Variants in LMOD3 observed in about 807,000 individuals in gnomAD.
LMOD3 encodes the protein leiomodin 3.
In LMOD3, 31 loss-of-function variants were observed where a neutral mutation model predicts 41.8. The observed-to-expected ratio is 0.74, with a 90% CI of 0.56 to 1.00. The LOEUF is 1.00. Ranked by LOEUF, LMOD3 falls within the 50% of genes least tolerant of loss-of-function variation. LMOD3 has a pLI of 0.00. For synonymous variants in LMOD3, 292 were observed against 241.9 expected (o/e 1.21, Z -1.92); for missense variants, 755 against 679.5 (o/e 1.11, Z -1.23).
chr3:69,114,004 CAT>C (rs1287622165), intron 2 of LMOD3, among the ~76,000 whole-genome samples: 1 of 152,088 alleles, frequency 6.6e-6, no homozygotes, highest in African/African-American at 2.4e-5. Context: ...TTTTTAAAAA[CAT>C]AGCTAAAAAC....
At chr3:69,110,877 T>TATATATATATATA (rs1264216374) in intron 2 of LMOD3, among the ~76,000 whole-genome samples, 2 of 138,426 alleles carry the variant, frequency 1.4e-5, no homozygotes, top group African/African-American at 5.7e-5. Context: ...TATATATATA[T>TATATATATATATA]TTAAAGCATC....
chr3:69,122,453 A>C lies in LMOD3; in HGVS notation c.-67T>G. The C allele has an allele frequency of 8.1e-7, 1 of 1,239,394 alleles. No homozygotes were observed. Among genetic ancestry groups the C allele is most frequent in the South Asian group, 1.6e-5 (1 of 63,236 alleles). 76.8% of individuals were successfully genotyped at this position (1,239,394 alleles called of 1,614,324 possible). ...CAAAGATGATTTTTAAAAAGAAGGA[A>C]AAAAGCCTCAAGAAGGTCCCCCAGT... On this transcript the variant is annotated 5_prime_UTR_variant, in exon 1 of 3. Coordinates refer to ENST00000420581, the MANE Select transcript of LMOD3 (RefSeq NM_198271.5).
Position 69,119,828 on chromosome 3 carries a change from T to G in LMOD3, c.527A>C (p.Lys176Thr). Residue 176 changes from lysine (K) to threonine (T), a missense_variant, in exon 2 of 3, where the codon AAA (lysine) becomes ACA (threonine). Physicochemically the swap from Lys to Thr is moderately conservative, Grantham distance 78. Coordinates refer to ENST00000420581, the MANE Select transcript of LMOD3 (RefSeq NM_198271.5). ...ACAATTTCTAATTTGTTCCTTTGCT[T>G]TGCCTTCCTCTTCTCTGTTCGTTTC... The part of the protein sequence containing the change: ...SEETNREEEG[K>T]AKEQIRNCEN... 2 of 1,579,520 alleles carry G rather than the reference T, an allele frequency of 1.3e-6. No individual in the cohort carries two copies. The highest frequency in any genetic ancestry group is 1.7e-6 in the Non-Finnish European group (2 of 1,161,116).
In LMOD3 at chr3:69,107,429, A is replaced by C. The variant is rs1439930253; in HGVS notation, c.*1666T>G. The C allele has an allele frequency of 6.8e-6, 1 of 147,562 alleles. No homozygotes were observed. Among genetic ancestry groups the C allele is most frequent in the Non-Finnish European group, 1.5e-5 (1 of 67,104 alleles). 9.1% of individuals were successfully genotyped at this position (147,562 alleles called of 1,614,324 possible). ...CAGGTGCCAATTATTTACTCAGGTA[A>C]AGAAGAGAGAAAAGGCACCAAAGGT... is the stretch of plus-strand genomic sequence containing the variant. On this transcript the variant is annotated 3_prime_UTR_variant, in exon 3 of 3. Coordinates refer to ENST00000420581, the MANE Select transcript of LMOD3 (RefSeq NM_198271.5).
chr3:69,120,185 A>T (rs1179278179), intron 1 of LMOD3, 125 bp from the exon 2 acceptor site: 1 of 1,080,404 alleles, frequency 9.3e-7, no homozygotes, highest in Non-Finnish European at 1.2e-6. Flanking sequence ...AATAATCCTT[A>T]TTTAAATAGC....
rs148476179 is a variant in LMOD3 at position 69,107,731 on chromosome 3, C to T, written c.*1364G>A. 8.8e-3 allele frequency: 1,331 copies of T among 152,106 alleles called. 10 individuals carry two copies. The highest frequency in any genetic ancestry group is 0.044 in the Middle Eastern group (13 of 296). 9.4% of individuals were successfully genotyped at this position (152,106 alleles called of 1,614,324 possible). ...ACCTCTGGAGATCCTCCCTCCCTGGCCTCCCATAGTGCTGGGATTACAGGC... is the reference window on the plus strand; with the variant it reads ...ACCTCTGGAGATCCTCCCTCCCTGGTCTCCCATAGTGCTGGGATTACAGGC... On this transcript the variant is annotated 3_prime_UTR_variant, in exon 3 of 3. Transcript: ENST00000420581.
At position 69,109,111 on chromosome 3, in the gene LMOD3, G is replaced by T. The variant is rs201205115; in HGVS notation, c.1667C>A (p.Pro556Gln). Reference sequence around the variant, plus strand: ...TGTTGCCTCTTACGCCAGTTCTTTTGGCAGTTGCACCTGCGATTTAAGCAT... The same window carrying T: ...TGTTGCCTCTTACGCCAGTTCTTTTTGCAGTTGCACCTGCGATTTAAGCAT... ...SVAYLKPVQL[P>Q]KELA Residue 556 changes from proline (P) to glutamine (Q), a missense_variant, in exon 3 of 3, where the codon CCA becomes CAA. Coordinates refer to ENST00000420581, the MANE Select transcript of LMOD3 (RefSeq NM_198271.5). The T allele has an allele frequency of 7.1e-4, 1,140 of 1,602,286 alleles. 6 individuals are homozygous for T. In the South Asian group the frequency reaches 7.3e-3, roughly 10 times the overall value.
At chr3:69,120,089 T>C in intron 1 of LMOD3, 29 bp from the exon 2 acceptor site, 1 of 1,547,920 alleles carries the variant, frequency 6.5e-7, no homozygotes, top group Non-Finnish European at 8.6e-7. Flanking sequence ...AGGGTTAGAA[T>C]ACATAGCAGA....
chr3:69,122,589 C>G lies in LMOD3; in HGVS notation c.-203G>C, dbSNP rs1159269675. 9.7e-6 allele frequency: 5 copies of G among 513,196 alleles called. No individual in the cohort carries two copies. Among genetic ancestry groups the G allele is most frequent in the Non-Finnish European group, 1.7e-5 (5 of 290,878 alleles). 31.8% of individuals were successfully genotyped at this position (513,196 alleles called of 1,614,324 possible). On this transcript the variant is annotated 5_prime_UTR_variant, in exon 1 of 3. Coordinates refer to ENST00000420581, the MANE Select transcript of LMOD3 (RefSeq NM_198271.5). ...GATCACAGCTAAGCTCTTGCCGGAT[C>G]TATATTAAGCAGGGCTTGGCTGGAT...
At chr3:69,117,487 T>G (rs979088245) in intron 2 of LMOD3, among the ~76,000 whole-genome samples, 1 of 152,156 alleles carries the variant, frequency 6.6e-6, no homozygotes, top group African/African-American at 2.4e-5. Context: ...TAAAATAATA[T>G]AGTTAATTAT....
At position 69,122,471 on chromosome 3, in the gene LMOD3, C is replaced by A; in HGVS notation, c.-85G>T. 9.3e-7 allele frequency: 1 copy of A among 1,070,210 alleles called. No individual in the cohort carries two copies. 66.3% of individuals were successfully genotyped at this position (1,070,210 alleles called of 1,614,324 possible). A position where few individuals can be genotyped will look rare whatever the true frequency, so the allele number is the denominator to read the frequency against. On this transcript the variant is annotated 5_prime_UTR_variant, in exon 1 of 3. Coordinates refer to ENST00000420581, the MANE Select transcript of LMOD3 (RefSeq NM_198271.5). ...AGAAGGAAAAAAGCCTCAAGAAGGT[C>A]CCCCAGTTAACGAGTGTCCCAAGTT...
In LMOD3 at chr3:69,109,087, G is replaced by A; in HGVS notation, c.*8C>T. 2 of 1,597,394 alleles carry A rather than the reference G, an allele frequency of 1.3e-6. No individual in the cohort carries two copies. Among genetic ancestry groups the A allele is most frequent in the Non-Finnish European group, 1.7e-6 (2 of 1,171,252 alleles). The stretch of plus-strand genomic sequence containing the variant: ...ATTTCTTGTTCTTCTAGATGGCTCT[G>A]TTGCCTCTTACGCCAGTTCTTTTGG... On this transcript the variant is annotated 3_prime_UTR_variant, in exon 3 of 3. Transcript: ENST00000420581.
At position 69,119,186 on chromosome 3, in the gene LMOD3, A is replaced by T; in HGVS notation, c.1169T>A (p.Leu390His). 1 of 1,613,764 alleles carries T rather than the reference A, an allele frequency of 6.2e-7. No homozygotes were observed. Among genetic ancestry groups the T allele is most frequent in the Non-Finnish European group, 8.5e-7 (1 of 1,179,836 alleles). ...PGPRMVVTNL[L>H]TRNQDKQRQK... ...CCTTTGTTTATCCTGATTCCTGGTG[A>T]GCAGATTAGTGACCACCATTCTGGG... The change falls in exon 2 of 3, where the codon CTC becomes CAC. Residue 390 changes from leucine to histidine, a missense_variant. Coordinates refer to ENST00000420581, the MANE Select transcript of LMOD3 (RefSeq NM_198271.5).
At chr3:69,117,235 G>A (rs535522133) in intron 2 of LMOD3, among the ~76,000 whole-genome samples, 1 of 152,334 alleles carries the variant, frequency 6.6e-6, no homozygotes, top group African/African-American at 2.4e-5. Flanking sequence ...AATCATAGAT[G>A]AAAGTCAGCT....
At chr3:69,111,718 G>A (rs1220391175) in intron 2 of LMOD3, among the ~76,000 whole-genome samples, 2 of 152,126 alleles carry the variant, frequency 1.3e-5, no homozygotes, top group African/African-American at 2.4e-5. Context: ...TGGTATTACA[G>A]GTGTGAGCCA....
intron 2 of LMOD3, among the ~76,000 whole-genome samples, chr3:69,110,071 T>C (rs1182508433): frequency 6.6e-6 from 1 of 152,030 alleles, no homozygotes; most frequent in Admixed American, 6.6e-5. Context: ...ACTCCTAATC[T>C]GATGGTCAGA....
rs923225067 is a variant in LMOD3 at position 69,109,520 on chromosome 3, C to CTTTT, written c.1657-403_1657-400dup. ...TACAAGTGAGTAATCCATGTTAACA[C>CTTTT]TTTTTTTTTTTTTTTTTTTTTTTTT... is the stretch of plus-strand genomic sequence containing the variant. On this transcript the variant is annotated intron_variant, in intron 2 of 2. Transcript: ENST00000420581. Among the ~76,000 whole-genome samples the CTTTT allele has an allele frequency of 1.7e-3, 164 of 98,744 alleles. 2 individuals carry two copies. Among genetic ancestry groups the CTTTT allele is most frequent in the African/African-American group, 4.7e-3 (108 of 22,860 alleles). 64.8% of individuals were successfully genotyped at this position (98,744 alleles called of 152,430 possible). A position where few individuals can be genotyped will look rare whatever the true frequency, so the allele number is the denominator to read the frequency against.
chr3:69,121,133 C>T (rs1042814731), intron 1 of LMOD3, among the ~76,000 whole-genome samples: 6 of 152,182 alleles, frequency 3.9e-5, no homozygotes, highest in Non-Finnish European at 8.8e-5. Flanking sequence ...GTTGCAAGTA[C>T]TCGTTTTTAC....
Position 69,113,452 on chromosome 3 carries a change from G to A in LMOD3, c.1657-4331C>T, listed in dbSNP as rs550695380. Among the ~76,000 whole-genome samples, 14 of 152,318 alleles carry A rather than the reference G, an allele frequency of 9.2e-5. No individual in the cohort carries two copies. In the South Asian group the frequency reaches 2.9e-3, roughly 32 times the overall value. On this transcript the variant is annotated intron_variant, in intron 2 of 2. Transcript: ENST00000420581. The stretch of plus-strand genomic sequence containing the variant: ...AGAGAAAGAAGACCTCATAAATGAG[G>A]CAAAGAAGAAATGGCCAGTGATGAA...
Sources: allele counts gnomAD v4.1 joint callset (sites outside exome capture counted in the v4.1 genomes callset), GRCh38; gene constraint gnomAD v4.1.1; transcripts MANE v1.5; gene names NCBI Gene and HGNC (gene_info 2026-07-23, HGNC 2026-07-21).